MYO18A: variants seen among roughly 807,000 people sequenced by gnomAD.
MYO18A encodes the protein myosin XVIIIA.
MYO18A carries 78 observed loss-of-function variants against 235.8 expected under a neutral mutation model. The observed-to-expected ratio is 0.33, with a 90% CI of 0.28 to 0.40. MYO18A has a LOEUF of 0.40. Among genes scored for constraint, MYO18A ranks in the 10% least tolerant of loss-of-function variants. MYO18A has a pLI of 1.00. For synonymous variants in MYO18A, 977 were observed against 1,077.8 expected (o/e 0.91, Z 1.83); for missense variants, 2,215 against 2,699.3 (o/e 0.82, Z 3.98).
chr17:29,145,926 A>C (rs547812909), intron 2 of MYO18A, among the ~76,000 whole-genome samples: 1 of 152,214 alleles, frequency 6.6e-6, no homozygotes, highest in Non-Finnish European at 1.5e-5. Flanking sequence ...ATGAGGTAGG[A>C]AGGGAATTCC....
intron 2 of MYO18A, among the ~76,000 whole-genome samples, chr17:29,127,340 T>G (rs532593350): frequency 3.3e-5 from 5 of 152,340 alleles, no homozygotes; most frequent in Admixed American, 2.6e-4. Flanking sequence ...ATACAAAGAT[T>G]ACTAATTTCC....
At chr17:29,173,579 G>A (rs1313672257) in intron 1 of MYO18A, among the ~76,000 whole-genome samples, 1 of 151,420 alleles carries the variant, frequency 6.6e-6, no homozygotes, top group Non-Finnish European at 1.5e-5. Context: ...AGTAGAGACG[G>A]GGTTTCACCA....
chr17:29,108,917 A>G (rs977801985), intron 19 of MYO18A, among the ~76,000 whole-genome samples: 2 of 152,148 alleles, frequency 1.3e-5, no homozygotes, highest in African/African-American at 4.8e-5. Flanking sequence ...TCAGAGCGGT[A>G]ACAATCTGGT....
At chr17:29,108,286 G>GT (rs1329894818) in intron 19 of MYO18A, among the ~76,000 whole-genome samples, 6 of 152,168 alleles carry the variant, frequency 3.9e-5, no homozygotes, top group African/African-American at 1.2e-4. Context: ...TCCCTGAAGA[G>GT]TGTCTGGGCT....
In MYO18A at chr17:29,106,872, AC is replaced by A. The variant is rs1252285968; in HGVS notation, c.3441+207del. On this transcript the variant is annotated intron_variant, in intron 20 of 41. Coordinates refer to ENST00000527372, the MANE Select transcript of MYO18A (RefSeq NM_078471.4). The surrounding 1 kb of genome is among the most constrained non-coding windows in gnomAD (Gnocchi z 4.6). The stretch of plus-strand genomic sequence containing the variant: ...TTGTCTGGCTCACCAGCAAGCAGAC[AC>A]CCCCAGCTCAGGCCTCCAAGGAGGG... Among the ~76,000 whole-genome samples the A allele has an allele frequency of 2.6e-5, 4 of 151,888 alleles. No individual in the cohort carries two copies. Among genetic ancestry groups the A allele is most frequent in the Non-Finnish European group, 2.9e-5 (2 of 67,958 alleles).
intron 38 of MYO18A, 21 bp downstream of exon 38, chr17:29,086,915 G>A (rs749790796): frequency 1.3e-5 from 21 of 1,602,814 alleles, no homozygotes; most frequent in Admixed American, 1.7e-5. Flanking sequence ...TGTGGGCCCC[G>A]TGGGGGACAG....
intron 2 of MYO18A, among the ~76,000 whole-genome samples, chr17:29,124,135 A>T (rs1010232537): frequency 6.6e-6 from 1 of 152,140 alleles, no homozygotes; most frequent in African/African-American, 2.4e-5. Context: ...TTGAATAGAC[A>T]CCTTCTATGG....
chr17:29,131,377 A>G, intron 2 of MYO18A: 1 of 985,562 alleles, frequency 1.0e-6, no homozygotes. Context: ...TCAAGGATGC[A>G]CTTACAGCCC....
intron 2 of MYO18A, chr17:29,124,528 G>A (rs148111207): frequency 3.1e-6 from 2 of 642,048 alleles, no homozygotes; most frequent in African/African-American, 3.8e-5. Flanking sequence ...GGAGCCTGGA[G>A]GGGAAAGAGG....
At position 29,098,358 on chromosome 17, in the gene MYO18A, G is replaced by C; in HGVS notation, c.3868C>G (p.Arg1290Gly). The C allele has an allele frequency of 6.2e-7, 1 of 1,613,750 alleles. No homozygotes were observed. Among genetic ancestry groups the C allele is most frequent in the South Asian group, 1.1e-5 (1 of 91,080 alleles). ...LRLNSDRLESRISELTSELTD... is the reference protein window; with the variant it reads ...LRLNSDRLESGISELTSELTD... ...GTGTGGTGCCAGGAGTCACTCACCC[G>C]GCTCTCCAGCCGGTCACTGTTGAGC... The change falls in exon 24 of 42, where the codon CGG (arginine) becomes GGG (glycine). Residue 1290 changes from arginine to glycine, a missense_variant and splice_region_variant. Arg to Gly is a moderately radical substitution (Grantham distance 125). Coordinates refer to ENST00000527372, the MANE Select transcript of MYO18A (RefSeq NM_078471.4).
chr17:29,149,008 C>T (rs1340145905), intron 2 of MYO18A, among the ~76,000 whole-genome samples: 1 of 152,250 alleles, frequency 6.6e-6, no homozygotes, highest in Non-Finnish European at 1.5e-5. Flanking sequence ...AAGCTCCGCC[C>T]TGCAGCGCCG....
rs753067065 is a variant in MYO18A, at chr17:29,115,401, C to G, written c.2268G>C (p.Ala756=). The change falls in exon 13 of 42, where the codon GCG becomes GCC. Residue 756 remains alanine (A), a synonymous_variant. Transcript: ENST00000527372. ...TGAAGAGCTCGCTGTAGAGGCCGGC[C>G]GCCATGCCCTCAAGGCACTCCAGTG... ...LSALECLEGM[A]AGLYSELFTL... 2 of 1,613,942 alleles carry G rather than the reference C, an allele frequency of 1.2e-6. No homozygotes were observed. The highest frequency in any genetic ancestry group is 1.7e-6 in the Non-Finnish European group (2 of 1,179,868).
At chr17:29,143,200 T>C (rs1902360198) in intron 2 of MYO18A, among the ~76,000 whole-genome samples, 1 of 152,214 alleles carries the variant, frequency 6.6e-6, no homozygotes, top group Non-Finnish European at 1.5e-5. Flanking sequence ...AGTTCATACA[T>C]AGCTCTGAGA....
At chr17:29,082,482 T>C (rs749138463) in intron 40 of MYO18A, 44 bp from the exon 41 acceptor site, 30 of 1,592,938 alleles carry the variant, frequency 1.9e-5, no homozygotes, top group Non-Finnish European at 2.4e-5. Flanking sequence ...CATAGGCACC[T>C]GCTGCCCACG....
intron 13 of MYO18A, 63 bp downstream of exon 13, chr17:29,115,288 A>G (rs1271699127): frequency 6.2e-5 from 98 of 1,575,186 alleles, no homozygotes; most frequent in Non-Finnish European, 5.6e-5. Flanking sequence ...CCAACAAGGC[A>G]TGAAGGCATC....
chr17:29,120,656 T>G lies in MYO18A; in HGVS notation c.1688A>C (p.Asp563Ala). Residue 563 changes from aspartate (D) to alanine (A), a missense_variant, in exon 7 of 42, where the codon GAC becomes GCC. Asp to Ala is a moderately radical substitution (Grantham distance 126). Coordinates refer to ENST00000527372, the MANE Select transcript of MYO18A (RefSeq NM_078471.4). The surrounding 1 kb of genome is among the most constrained non-coding windows in gnomAD (Gnocchi z 4.2). ...GGCCACCTGGCCAGCTTGGTCAAAGTCCAGGGAGAGGATCTGGGAGAAGCG... is the reference window on the plus strand; with the variant it reads ...GGCCACCTGGCCAGCTTGGTCAAAGGCCAGGGAGAGGATCTGGGAGAAGCG... ...ATRFSQILSL[D>A]FDQAGQVASA... 3.7e-6 allele frequency: 6 copies of G among 1,613,960 alleles called. No homozygotes were observed. The highest frequency in any genetic ancestry group is 5.1e-6 in the Non-Finnish European group (6 of 1,179,874).
chr17:29,087,791 G>A (rs2066291716), intron 37 of MYO18A, among the ~76,000 whole-genome samples: 1 of 151,680 alleles, frequency 6.6e-6, no homozygotes, highest in Non-Finnish European at 1.5e-5. Flanking sequence ...TGGGCCGTTT[G>A]TGTTTAACAT....
intron 2 of MYO18A, among the ~76,000 whole-genome samples, chr17:29,128,734 C>T (rs1358276644): frequency 6.6e-6 from 1 of 152,222 alleles, no homozygotes; most frequent in Non-Finnish European, 1.5e-5. Flanking sequence ...ACAACTGCAG[C>T]TAAGAGTCTG....
Position 29,074,455 on chromosome 17 carries a change from T to G in MYO18A, c.*315A>C. 1 of 573,684 alleles carries G rather than the reference T, an allele frequency of 1.7e-6. No homozygotes were observed. The highest frequency in any genetic ancestry group is 2.5e-5 in the South Asian group (1 of 40,728). The allele number at this position is 573,684 out of a possible 1,614,324, so 35.5% of individuals were successfully genotyped here. ...CCTGAGCAGGGAGCTGAGAGGGAGG[T>G]CAACGTGCTGGCTCCATGCAGTGCC... On this transcript the variant is annotated 3_prime_UTR_variant, in exon 42 of 42. Coordinates refer to ENST00000527372, the MANE Select transcript of MYO18A (RefSeq NM_078471.4). The surrounding 1 kb of genome is among the most constrained non-coding windows in gnomAD (Gnocchi z 4.4).
Sources: gnomAD v4.1 joint callset for allele counts (sites outside exome capture counted in the v4.1 genomes callset) on GRCh38, gnomAD v4.1.1 for gene constraint, Gnocchi (gnomAD v3.1) non-coding constraint, MANE v1.5 for transcripts, NCBI Gene and HGNC (gene_info 2026-07-23, HGNC 2026-07-21) for gene names.